The following PBX4 variants were observed in gnomAD, a reference collection of about 807,000 sequenced individuals.
PBX4 encodes PBX homeobox 4.
PBX4 carries 26 observed loss-of-function variants against 35.1 expected under a neutral mutation model. The observed-to-expected ratio is 0.74, with a 90% confidence interval of 0.54 to 1.03. The LOEUF (loss-of-function observed/expected upper bound fraction) is 1.03, where lower values mean the gene tolerates loss of function less well. Among genes scored for constraint, PBX4 ranks in the 50% least tolerant of loss-of-function variants. The probability of loss-of-function intolerance (pLI) is 0.00; values close to 1 mark genes in which losing one functional copy is unlikely to be tolerated. For missense variants in PBX4, 448 were observed against 504.3 expected, an observed-to-expected ratio of 0.89 and a Z score of 1.07; for synonymous variants, 199 against 204.2, an observed-to-expected ratio of 0.97 and a Z score of 0.22.
rs1272695157 is a variant in PBX4, at chr19:19,563,778, C to G, written c.926-163G>C. 4.6e-6 allele frequency: 3 copies of G among 651,750 alleles called. No individual in the cohort carries two copies. The highest frequency in any genetic ancestry group is 8.4e-6 in the Non-Finnish European group (3 of 356,360). 40.4% of individuals were successfully genotyped at this position (651,750 alleles called of 1,614,324 possible). A position where few individuals can be genotyped will look rare whatever the true frequency, so the allele number is the denominator to read the frequency against. On this transcript the variant is annotated intron_variant, in intron 6 of 7. Transcript: ENST00000251203. The surrounding 1 kb of genome is among the most constrained non-coding windows in gnomAD (Gnocchi z 5.1). ...ACCCAGGCAGGCCAGCGGGCCCTCC[C>G]CACCACACTACTCATGTCCCCTCAT...
intron 1 of PBX4, among the ~76,000 whole-genome samples, chr19:19,614,288 T>C (rs1431628453): frequency 6.6e-6 from 1 of 152,092 alleles, no homozygotes; most frequent in Non-Finnish European, 1.5e-5. Flanking sequence ...GTTGAGATCA[T>C]ACCACAGCAC....
intron 2 of PBX4, among the ~76,000 whole-genome samples, chr19:19,594,222 A>T (rs555342450): frequency 1.3e-5 from 2 of 152,168 alleles, no homozygotes; most frequent in Admixed American, 6.5e-5. Flanking sequence ...CCTGACCAAC[A>T]GGGTGAAACC....
chr19:19,579,718 C>T (rs972915039), intron 2 of PBX4: 5 of 152,360 alleles, frequency 3.3e-5, no homozygotes, highest in Non-Finnish European at 5.9e-5. Flanking sequence ...CTCCGCTGGC[C>T]GCAAGCCCCA....
intron 1 of PBX4, among the ~76,000 whole-genome samples, chr19:19,615,157 C>T: frequency 8.9e-6 from 1 of 112,206 alleles, no homozygotes; most frequent in Non-Finnish European, 1.7e-5. Flanking sequence ...AGAGTGAGAC[C>T]CTGTCTCCAA....
chr19:19,573,123 C>T (rs1342186653), intron 2 of PBX4, among the ~76,000 whole-genome samples: 1 of 151,712 alleles, frequency 6.6e-6, no homozygotes, highest in Admixed American at 6.6e-5. Flanking sequence ...CTGACTAACA[C>T]AGAGAAACCC....
intron 2 of PBX4, among the ~76,000 whole-genome samples, chr19:19,573,878 C>A (rs1026174389): frequency 6.6e-6 from 1 of 152,066 alleles, no homozygotes; most frequent in Non-Finnish European, 1.5e-5. Flanking sequence ...TACAGGCGCT[C>A]GCCACCATGC....
At chr19:19,602,202 G>A (rs2061602016) in intron 1 of PBX4, among the ~76,000 whole-genome samples, 1 of 152,122 alleles carries the variant, frequency 6.6e-6, no homozygotes, top group Admixed American at 6.6e-5. Context: ...GGAGGCTGAG[G>A]TGGGAGGACC....
intron 2 of PBX4, among the ~76,000 whole-genome samples, chr19:19,596,362 G>GAATAAATAAATAAATAAATA (rs58051660): frequency 1.7e-4 from 26 of 148,906 alleles, no homozygotes; most frequent in Admixed American, 1.3e-3. Flanking sequence ...AACAGAGTGA[G>GAATAAATAAATAAATAAATA]AATAAATAAA....
intron 1 of PBX4, among the ~76,000 whole-genome samples, chr19:19,605,326 G>C (rs2061623353): frequency 6.6e-6 from 1 of 151,034 alleles, no homozygotes; most frequent in East Asian, 1.9e-4. Context: ...TGAGGCAGGA[G>C]AATCACTTGA....
chr19:19,588,087 A>G, intron 2 of PBX4: 1 of 873,764 alleles, frequency 1.1e-6, no homozygotes, highest in Non-Finnish European at 1.9e-6. Flanking sequence ...GCCACTTACC[A>G]ATCACCTCTT....
Position 19,563,125 on chromosome 19 carries a change from T to C in PBX4, c.1032+384A>G, listed in dbSNP as rs1266148532. Among the ~76,000 whole-genome samples the C allele has an allele frequency of 1.3e-5, 2 of 152,176 alleles. No individual in the cohort carries two copies. The highest frequency in any genetic ancestry group is 3.9e-4 in the East Asian group (2 of 5,184). On this transcript the variant is annotated intron_variant, in intron 7 of 7. Coordinates refer to ENST00000251203, the MANE Select transcript of PBX4 (RefSeq NM_025245.3). The surrounding 1 kb of genome is among the most constrained non-coding windows in gnomAD (Gnocchi z 5.1). Reference sequence around the variant, plus strand: ...CCAGCCAAGCTGCGGCACTGAGGTCTGAGCCCGAGGGAAGGCCCCATCTCT... The same window carrying C: ...CCAGCCAAGCTGCGGCACTGAGGTCCGAGCCCGAGGGAAGGCCCCATCTCT...
chr19:19,573,010 T>C (rs1200638147), intron 2 of PBX4, among the ~76,000 whole-genome samples: 3 of 149,964 alleles, frequency 2.0e-5, no homozygotes, highest in Non-Finnish European at 3.0e-5. Flanking sequence ...TGGTGCTTAA[T>C]ACAGGATAGT....
intron 2 of PBX4, among the ~76,000 whole-genome samples, chr19:19,589,744 T>C (rs1430839478): frequency 2.0e-5 from 3 of 152,096 alleles, no homozygotes; most frequent in Non-Finnish European, 4.4e-5. Context: ...CACTCCAGCC[T>C]GGGTGACAGA....
intron 2 of PBX4, among the ~76,000 whole-genome samples, chr19:19,585,567 T>C (rs2061483853): frequency 6.6e-6 from 1 of 152,192 alleles, no homozygotes; most frequent in Non-Finnish European, 1.5e-5. Flanking sequence ...GAGCCCAAGC[T>C]AAGCCATCAT....
chr19:19,577,424 G>C (rs1178828758), intron 2 of PBX4, among the ~76,000 whole-genome samples: 1 of 152,188 alleles, frequency 6.6e-6, no homozygotes, highest in Non-Finnish European at 1.5e-5. Context: ...CACAGTGTTT[G>C]TAATCGTGGG....
chr19:19,584,621 T>C (rs2061476974), intron 2 of PBX4, among the ~76,000 whole-genome samples: 1 of 146,604 alleles, frequency 6.8e-6, no homozygotes, highest in African/African-American at 2.5e-5. Flanking sequence ...GACCAAGGGC[T>C]GGTTTTTTTT....
chr19:19,576,914 C>A (rs986442542), intron 2 of PBX4, among the ~76,000 whole-genome samples: 1 of 151,982 alleles, frequency 6.6e-6, no homozygotes, highest in African/African-American at 2.4e-5. Flanking sequence ...ACACCTGGCC[C>A]GAGGATTTTA....
intron 2 of PBX4, among the ~76,000 whole-genome samples, chr19:19,582,559 C>T (rs1343218526): frequency 6.6e-6 from 1 of 152,096 alleles, no homozygotes; most frequent in Non-Finnish European, 1.5e-5. Context: ...TTTGGGCCCC[C>T]CATCCATCTG....
intron 1 of PBX4, among the ~76,000 whole-genome samples, chr19:19,601,269 A>C (rs1489689691): frequency 6.6e-6 from 1 of 152,204 alleles, no homozygotes; most frequent in Non-Finnish European, 1.5e-5. Context: ...GGCAGAAGAA[A>C]CAGCCAAGCA....
Sources: gnomAD v4.1 joint callset for allele counts (sites outside exome capture counted in the v4.1 genomes callset) on GRCh38, gnomAD v4.1.1 for gene constraint, Gnocchi (gnomAD v3.1) non-coding constraint, MANE v1.5 for transcripts, NCBI Gene and HGNC (gene_info 2026-07-23, HGNC 2026-07-21) for gene names.